SLC38A1: variants seen among roughly 807,000 people sequenced by gnomAD.
The protein encoded by SLC38A1 is sodium-coupled neutral amino acid symporter 1.
A neutral mutation model predicts 60.3 loss-of-function variants in SLC38A1; 18 were observed. The observed-to-expected ratio is 0.30, with a 90% CI of 0.21 to 0.44. The LOEUF is 0.44. Ranked by LOEUF, SLC38A1 falls within the 20% of genes least tolerant of loss-of-function variation. The pLI, the probability that SLC38A1 is intolerant of heterozygous loss-of-function variation, is 1.00. For synonymous variants in SLC38A1, 196 were observed against 212.1 expected, an observed-to-expected ratio of 0.92 and a Z score of 0.66; for missense variants, 448 against 587.2, an observed-to-expected ratio of 0.76 and a Z score of 2.45.
chr12:46,217,949 G>T (rs1940487350), intron 5 of SLC38A1, among the ~76,000 whole-genome samples: 1 of 152,162 alleles, frequency 6.6e-6, no homozygotes, highest in South Asian at 2.1e-4. Context: ...TAGGTATTTT[G>T]TTTTGTCTAG....
intron 3 of SLC38A1, 75 bp from the exon 4 acceptor site, chr12:46,229,714 T>TTTGATGAGTA: frequency 1.5e-6 from 2 of 1,295,552 alleles, no homozygotes; most frequent in Non-Finnish European, 2.2e-6. Context: ...AATGATATGT[T>TTTGATGAGTA]ACTCATCAAA....
intron 5 of SLC38A1, among the ~76,000 whole-genome samples, chr12:46,210,705 T>A (rs1044467536): frequency 6.0e-4 from 91 of 152,176 alleles, no homozygotes; most frequent in African/African-American, 2.1e-3. Context: ...ATGGTTTTTT[T>A]ATAAGGGGAA....
chr12:46,229,900 A>G (rs1941006690), intron 3 of SLC38A1, among the ~76,000 whole-genome samples: 1 of 151,936 alleles, frequency 6.6e-6, no homozygotes, highest in Non-Finnish European at 1.5e-5. Flanking sequence ...TATATCCTGC[A>G]CTCTACCTTG....
chr12:46,239,788 T>G lies in SLC38A1; in HGVS notation c.13A>C (p.Lys5Gln). Reference protein sequence around the residue: MMHFKSGLELTELQN... With the variant: MMHFQSGLELTELQN... ...AACTCAGTTAATTCGAGTCCACTTT[T>G]GAAATGCATCATGATTAGAAAGTGT... Residue 5 changes from lysine to glutamine, a missense_variant, in exon 3 of 17, where the codon AAA becomes CAA. Lys to Gln is a moderately conservative substitution (Grantham distance 53). This residue lies in a region of SLC38A1 where 102 missense variants were observed against 89.7 expected (regional missense o/e 1.14). Transcript: ENST00000398637. 1 of 1,612,994 alleles carries G rather than the reference T, an allele frequency of 6.2e-7. No homozygotes were observed. Among genetic ancestry groups the G allele is most frequent in the Non-Finnish European group, 8.5e-7 (1 of 1,179,988 alleles).
At chr12:46,195,447 A>T (rs1939326671) in intron 16 of SLC38A1, among the ~76,000 whole-genome samples, 1 of 152,184 alleles carries the variant, frequency 6.6e-6, no homozygotes, top group South Asian at 2.1e-4. Flanking sequence ...CTCGAATGCC[A>T]TGCTGAGAGA....
intron 1 of SLC38A1, among the ~76,000 whole-genome samples, chr12:46,249,123 T>G (rs1330594161): frequency 2.5e-5 from 3 of 122,234 alleles, no homozygotes; most frequent in Non-Finnish European, 4.7e-5. Flanking sequence ...GCCACTGCAC[T>G]CCAGACAGGG....
At chr12:46,225,090 A>G (rs1940812033) in intron 5 of SLC38A1, among the ~76,000 whole-genome samples, 1 of 152,220 alleles carries the variant, frequency 6.6e-6, no homozygotes, top group African/African-American at 2.4e-5. Flanking sequence ...CTAGGATAAA[A>G]TATAATAGTA....
chr12:46,204,230 T>C, intron 11 of SLC38A1, 71 bp downstream of exon 11: 1 of 962,344 alleles, frequency 1.0e-6, no homozygotes, highest in Non-Finnish European at 1.7e-6. Flanking sequence ...ACCAGTGCAA[T>C]TACAAGCATG....
chr12:46,266,508 T>A (rs775488022), intron 1 of SLC38A1, among the ~76,000 whole-genome samples: 1 of 151,854 alleles, frequency 6.6e-6, no homozygotes, highest in Non-Finnish European at 1.5e-5. Context: ...AAATAGCTGA[T>A]CCCTTTTCAT....
chr12:46,229,351 G>A, intron 4 of SLC38A1, 83 bp from the exon 5 acceptor site: 7 of 949,052 alleles, frequency 7.4e-6, no homozygotes, highest in South Asian at 1.5e-5. Context: ...TGCACTCTCA[G>A]GAACCAATAT....
At position 46,256,978 on chromosome 12, in the gene SLC38A1, A is replaced by G. The variant is rs193152217; in HGVS notation, c.-209+11548T>C. ...CACCCTGAGTAATAGAAAAGATAAT[A>G]AAGGGAAAGGAGAGAGAGAAAAGCA... On this transcript the variant is annotated intron_variant, in intron 1 of 16. Coordinates refer to ENST00000398637, the MANE Select transcript of SLC38A1 (RefSeq NM_030674.4). Among the ~76,000 whole-genome samples the G allele has an allele frequency of 9.6e-4, 146 of 152,288 alleles. 1 individual carries two copies. The highest frequency in any genetic ancestry group is 3.5e-3 in the African/African-American group (145 of 41,560).
Position 46,239,714 on chromosome 12 carries a change from A to G in SLC38A1, c.87T>C (p.Asn29=). The change falls in exon 3 of 17, where the codon AAT becomes AAC. Residue 29 remains asparagine (N), a synonymous_variant. Coordinates refer to ENST00000398637, the MANE Select transcript of SLC38A1 (RefSeq NM_030674.4). Reference sequence around the variant, plus strand: ...GACCATTTTCTACTTCGGTGAAATCATTGGAGTCATTGCTAATGTTATCAT... The same window carrying G: ...GACCATTTTCTACTTCGGTGAAATCGTTGGAGTCATTGCTAATGTTATCAT... ...PEDDNISNDS[N]DFTEVENGQI... 6.2e-7 allele frequency: 1 copy of G among 1,613,726 alleles called. No individual in the cohort carries two copies.
intron 6 of SLC38A1, among the ~76,000 whole-genome samples, chr12:46,208,133 G>A (rs978195244): frequency 6.6e-6 from 1 of 152,080 alleles, no homozygotes; most frequent in Non-Finnish European, 1.5e-5. Context: ...TAATAGCCAC[G>A]ACATACAAAA....
At chr12:46,247,793 G>A (rs1941673551) in intron 1 of SLC38A1, among the ~76,000 whole-genome samples, 2 of 152,128 alleles carry the variant, frequency 1.3e-5, no homozygotes, top group South Asian at 4.1e-4. Flanking sequence ...GAGAAAGGTC[G>A]GGTTACCCAC....
chr12:46,200,151 C>T (rs1350101211), intron 13 of SLC38A1, among the ~76,000 whole-genome samples: 5 of 152,096 alleles, frequency 3.3e-5, no homozygotes, highest in African/African-American at 1.2e-4. Context: ...TTAGCAACAC[C>T]ATTTTTATGT....
chr12:46,243,767 T>A (rs541662515), intron 1 of SLC38A1, among the ~76,000 whole-genome samples: 13 of 152,376 alleles, frequency 8.5e-5, no homozygotes, highest in Admixed American at 3.9e-4. Context: ...GTAATTACTA[T>A]CTGTCAACAT....
In SLC38A1 at chr12:46,183,517, C is replaced by T. The variant is rs1416789388; in HGVS notation, c.*5453G>A. 1 of 152,140 alleles carries T rather than the reference C, an allele frequency of 6.6e-6. No homozygotes were observed. The highest frequency in any genetic ancestry group is 1.5e-5 in the Non-Finnish European group (1 of 68,022). 9.4% of individuals were successfully genotyped at this position (152,140 alleles called of 1,614,324 possible). Reference sequence around the variant, plus strand: ...ATAATTAATATTCAGGTTCCCTCTCCCCGCTTTCATAGATCCCAAAGTTTG... The same window carrying T: ...ATAATTAATATTCAGGTTCCCTCTCTCCGCTTTCATAGATCCCAAAGTTTG... On this transcript the variant is annotated 3_prime_UTR_variant, in exon 17 of 17. Transcript: ENST00000398637.
intron 13 of SLC38A1, among the ~76,000 whole-genome samples, chr12:46,200,231 A>G (rs1353190793): frequency 6.6e-6 from 1 of 152,168 alleles, no homozygotes; most frequent in Non-Finnish European, 1.5e-5. Flanking sequence ...AAACAATAAT[A>G]ATATCTGTAT....
chr12:46,185,984 A>G lies in SLC38A1; in HGVS notation c.*2986T>C, dbSNP rs1938924829. The G allele has an allele frequency of 6.6e-6, 1 of 152,152 alleles. No homozygotes were observed. The highest frequency in any genetic ancestry group is 6.5e-5 in the Admixed American group (1 of 15,268). 9.4% of individuals were successfully genotyped at this position (152,152 alleles called of 1,614,324 possible). A position where few individuals can be genotyped will look rare whatever the true frequency, so the allele number is the denominator to read the frequency against. ...TGAACAAACACCCTCCCTGGAAACA[A>G]TATTATATTTGATGGTTAGATTCTT... On this transcript the variant is annotated 3_prime_UTR_variant, in exon 17 of 17. Transcript: ENST00000398637.
Sources: allele counts gnomAD v4.1 joint callset (sites outside exome capture counted in the v4.1 genomes callset), GRCh38; gene constraint gnomAD v4.1.1; regional missense constraint gnomAD v4.1.1; transcripts MANE v1.5; gene names NCBI Gene and HGNC (gene_info 2026-07-23, HGNC 2026-07-21).